The following NUCB1 variants were observed in gnomAD, a reference collection of about 807,000 sequenced individuals.
The protein encoded by NUCB1 is nucleobindin 1, also known as nucleobindin-1.
NUCB1 carries 47 observed loss-of-function variants against 61.2 expected under a neutral mutation model. The ratio of observed to expected loss-of-function variants is 0.77; its 90% CI spans 0.61 to 0.98. The LOEUF (loss-of-function observed/expected upper bound fraction) is 0.98. Ranked by LOEUF, NUCB1 falls within the 50% of genes least tolerant of loss-of-function variation. The pLI is 0.00. For synonymous variants in NUCB1, 234 were observed against 243.1 expected (o/e 0.96, Z 0.35); for missense variants, 583 against 605.3 (o/e 0.96, Z 0.39).
chr19:48,918,034 G>A (rs2037561022), intron 7 of NUCB1, among the ~76,000 whole-genome samples: 1 of 152,072 alleles, frequency 6.6e-6, no homozygotes, highest in Admixed American at 6.6e-5. Context: ...AGTTTAGGCA[G>A]AGAAGAGACC....
chr19:48,919,006 T>C, intron 8 of NUCB1, 24 bp from the exon 9 acceptor site: 1 of 1,608,580 alleles, frequency 6.2e-7, no homozygotes, highest in Non-Finnish European at 8.5e-7. Context: ...CTCAATGCTG[T>C]CTGCCTCTCG....
intron 2 of NUCB1, among the ~76,000 whole-genome samples, chr19:48,902,771 G>A (rs908589850): frequency 6.6e-6 from 1 of 151,836 alleles, no homozygotes; most frequent in Non-Finnish European, 1.5e-5. Flanking sequence ...AGCATTCCAG[G>A]CAGAGGGAAC....
chr19:48,907,448 T>C (rs996281039), intron 4 of NUCB1, among the ~76,000 whole-genome samples: 2 of 152,004 alleles, frequency 1.3e-5, no homozygotes, highest in Non-Finnish European at 2.9e-5. Flanking sequence ...GCTAATTTTG[T>C]ATTTTTAGTA....
chr19:48,918,871 A>T (rs1383804422), intron 8 of NUCB1, 87 bp downstream of exon 8: 9 of 1,388,682 alleles, frequency 6.5e-6, no homozygotes, highest in Non-Finnish European at 9.1e-6. Flanking sequence ...ATCCCCCTGG[A>T]TGGGAGCTCA....
intron 3 of NUCB1, 121 bp downstream of exon 3, chr19:48,904,575 A>C: frequency 1.6e-6 from 1 of 631,710 alleles, no homozygotes; most frequent in South Asian, 1.9e-5. Context: ...CCCAGGCTGG[A>C]GTGCGATGGT....
rs767312433 is a variant in NUCB1 at position 48,922,391 on chromosome 19, G to A, written c.1353G>A (p.Arg451=). ...CTTCAGAAAAGAAACTTCTCGAGCGGCTCCCTGAGGTTGAGGTGCCCCAGC... is the reference window on the plus strand; with the variant it reads ...CTTCAGAAAAGAAACTTCTCGAGCGACTCCCTGAGGTTGAGGTGCCCCAGC... ...VDTSEKKLLE[R]LPEVEVPQHL is the part of the protein sequence containing the mutation. Residue 451 remains arginine, a synonymous_variant, in exon 13 of 13, where the codon CGG becomes CGA. Transcript: ENST00000405315. 9 of 1,613,618 alleles carry A rather than the reference G, an allele frequency of 5.6e-6. No individual in the cohort carries two copies. Among genetic ancestry groups the A allele is most frequent in the East Asian group, 2.2e-5 (1 of 44,880 alleles).
Position 48,919,129 on chromosome 19 carries a change from TGG to T in NUCB1, c.909+11_909+12del. ...GGAGCATGTGATGAAGAATGTGAGG[TGG>T]GGGCCAGGCGGGGGAGAGGACGGGC... On this transcript the variant is annotated splice_region_variant and intron_variant, in intron 9 of 12. Coordinates refer to ENST00000405315, the MANE Select transcript of NUCB1 (RefSeq NM_006184.6). 1.2e-6 allele frequency: 2 copies of T among 1,613,728 alleles called. No homozygotes were observed. Among genetic ancestry groups the T allele is most frequent in the Non-Finnish European group, 1.7e-6 (2 of 1,179,840 alleles).
rs145138180 is a variant in NUCB1 at position 48,922,358 on chromosome 19, G to C, written c.1320G>C (p.Glu440Asp). Reference sequence around the variant, plus strand: ...CAGCTCCAGCCGGTGACCAGAAGGAGGTGGACACTTCAGAAAAGAAACTTC... The same window carrying C: ...CAGCTCCAGCCGGTGACCAGAAGGACGTGGACACTTCAGAAAAGAAACTTC... ...PVPAPAGDQK[E>D]VDTSEKKLLE... The change falls in exon 13 of 13, where the codon GAG (glutamate) becomes GAC (aspartate). Residue 440 changes from glutamate to aspartate, a missense_variant. Coordinates refer to ENST00000405315, the MANE Select transcript of NUCB1 (RefSeq NM_006184.6). 22 of 1,613,748 alleles carry C rather than the reference G, an allele frequency of 1.4e-5. No individual in the cohort carries two copies. The highest frequency in any genetic ancestry group is 1.9e-5 in the Non-Finnish European group (22 of 1,179,846).
rs1422021324 is a variant in NUCB1 at position 48,905,938 on chromosome 19, C to T, written c.376+53C>T. 15 of 1,405,598 alleles carry T rather than the reference C, an allele frequency of 1.1e-5. No individual in the cohort carries two copies. In the East Asian group the frequency reaches 3.6e-4, roughly 34 times the overall value. 87.1% of individuals were successfully genotyped at this position (1,405,598 alleles called of 1,614,324 possible). ...GGCAGGGAGGGGTGGGGAAGGGTGG[C>T]CTCACTCCCGGCCTCCAGGTGGTTG... On this transcript the variant is annotated intron_variant, in intron 4 of 12. Transcript: ENST00000405315.
rs1419943185 is a variant in NUCB1, at chr19:48,911,235, G to C, written c.463G>C (p.Glu155Gln). The C allele has an allele frequency of 9.3e-6, 15 of 1,613,538 alleles. No individual in the cohort carries two copies. The highest frequency in any genetic ancestry group is 1.3e-5 in the Non-Finnish European group (15 of 1,179,640). Residue 155 changes from glutamate (E) to glutamine (Q), a missense_variant, in exon 5 of 13, where the codon GAG becomes CAG. Glu to Gln is a conservative substitution (Grantham distance 29). Coordinates refer to ENST00000405315, the MANE Select transcript of NUCB1 (RefSeq NM_006184.6). ...GCATACATTCGAGGCCCGCGACCTGGAGCTGCTGATCCAGACGGTAATGGG... is the reference window on the plus strand; with the variant it reads ...GCATACATTCGAGGCCCGCGACCTGCAGCTGCTGATCCAGACGGTAATGGG... ...NQHTFEARDL[E>Q]LLIQTATRDL...
rs1009904843 is a variant in NUCB1, at chr19:48,904,098, G to A, written c.136-249G>A. ...GGATGCATGGATGGATGGATGGTTG[G>A]ATGGATGGATAAAAGTATGATTCAC... On this transcript the variant is annotated intron_variant, in intron 2 of 12. Transcript: ENST00000405315. 1.4e-4 allele frequency among the ~76,000 whole-genome samples: 21 copies of A among 152,118 alleles called. 2 individuals carry two copies. Among genetic ancestry groups the A allele is most frequent in the Admixed American group, 1.3e-3 (20 of 15,258 alleles).
intron 4 of NUCB1, among the ~76,000 whole-genome samples, chr19:48,908,421 C>T (rs1305883048): frequency 2.0e-5 from 3 of 152,170 alleles, no homozygotes; most frequent in Admixed American, 6.5e-5. Context: ...TGAGCCACCC[C>T]GCCTGGCCTC....
At chr19:48,918,849 C>A in intron 8 of NUCB1, 65 bp downstream of exon 8, 3 of 1,474,306 alleles carry the variant, frequency 2.0e-6, no homozygotes, top group Non-Finnish European at 1.9e-6. Flanking sequence ...TTTCCTCCTG[C>A]AGTCCCCTTA....
chr19:48,916,959 C>A (rs2037547206), intron 7 of NUCB1, among the ~76,000 whole-genome samples: 2 of 151,986 alleles, frequency 1.3e-5, no homozygotes, highest in Non-Finnish European at 2.9e-5. Context: ...GTGGCTTACC[C>A]CTATAATCCC....
chr19:48,912,385 C>T (rs939716496), intron 5 of NUCB1, among the ~76,000 whole-genome samples: 1 of 152,098 alleles, frequency 6.6e-6, no homozygotes, highest in Non-Finnish European at 1.5e-5. Flanking sequence ...AAGTTCACCA[C>T]ATATGTTGTT....
chr19:48,909,401 C>T (rs1464638368), intron 4 of NUCB1, among the ~76,000 whole-genome samples: 1 of 152,014 alleles, frequency 6.6e-6, no homozygotes, highest in African/African-American at 2.4e-5. Flanking sequence ...GCACGCGCCA[C>T]CACGCCTGGA....
Position 48,913,187 on chromosome 19 carries a change from C to T in NUCB1, c.657C>T (p.Val219=), listed in dbSNP as rs758686998. Residue 219 remains valine, a synonymous_variant, in exon 6 of 13, where the codon GTC becomes GTT. Coordinates refer to ENST00000405315, the MANE Select transcript of NUCB1 (RefSeq NM_006184.6). ...GCCGGCACCGCGAGCACCCTAAAGTCAACGTGCCTGTGAGGACCCCATTTG... is the reference window on the plus strand; with the variant it reads ...GCCGGCACCGCGAGCACCCTAAAGTTAACGTGCCTGTGAGGACCCCATTTG... ...QQRRHREHPK[V]NVPGSQAQLK... The T allele has an allele frequency of 6.2e-7, 1 of 1,611,866 alleles. No homozygotes were observed. The highest frequency in any genetic ancestry group is 1.1e-5 in the South Asian group (1 of 90,882).
chr19:48,900,558 T>G (rs887996093), intron 1 of NUCB1, 186 bp downstream of exon 1: 9 of 580,182 alleles, frequency 1.6e-5, no homozygotes, highest in Non-Finnish European at 2.7e-5. Context: ...TTCCTGAGTG[T>G]GAGAGAGGAG....
At chr19:48,908,734 G>GTGTC (rs2037441248) in intron 4 of NUCB1, among the ~76,000 whole-genome samples, 1 of 148,250 alleles carries the variant, frequency 6.7e-6, no homozygotes, top group Non-Finnish European at 1.5e-5. Flanking sequence ...GTGTGTGTGT[G>GTGTC]TGTGTGTGTG....
Sources: allele counts gnomAD v4.1 joint callset (sites outside exome capture counted in the v4.1 genomes callset), GRCh38; gene constraint gnomAD v4.1.1; transcripts MANE v1.5; gene names NCBI Gene and HGNC (gene_info 2026-07-23, HGNC 2026-07-21).